The following GRM1 variants were observed in gnomAD, a reference collection of about 807,000 sequenced individuals.
GRM1 encodes metabotropic glutamate receptor 1.
A neutral mutation model predicts 90.9 loss-of-function variants in GRM1; 33 were observed. The observed-to-expected ratio is 0.36, with a 90% CI of 0.28 to 0.49. The LOEUF (loss-of-function observed/expected upper bound fraction) is 0.49, where lower values mean the gene tolerates loss of function less well. GRM1 is among the 20% of genes least tolerant of loss of function. The pLI is 0.99. For synonymous variants in GRM1, 700 were observed against 613.2 expected (o/e 1.14, Z -2.09); for missense variants, 1,190 against 1,534.3 (o/e 0.78, Z 3.75).
chr6:146,301,669 T>TTAGACAG, intron 2 of GRM1, among the ~76,000 whole-genome samples: 1 of 152,284 alleles, frequency 6.6e-6, no homozygotes, highest in Non-Finnish European at 1.5e-5. Flanking sequence ...ATATTTACCC[T>TTAGACAG]TAGACAGAAT....
At chr6:146,373,737 G>C (rs1775989938) in intron 5 of GRM1, among the ~76,000 whole-genome samples, 1 of 152,078 alleles carries the variant, frequency 6.6e-6, no homozygotes, top group African/African-American at 2.4e-5. Flanking sequence ...TATTGAATTG[G>C]TATATAAGTT....
chr6:146,396,222 A>G (rs185122320), intron 6 of GRM1, among the ~76,000 whole-genome samples: 48 of 152,280 alleles, frequency 3.2e-4, no homozygotes, highest in Middle Eastern at 6.8e-3. Context: ...CTTCCAGAAA[A>G]AGGTTTGTAT....
intron 2 of GRM1, among the ~76,000 whole-genome samples, chr6:146,216,487 T>C (rs1779875309): frequency 1.3e-5 from 2 of 152,222 alleles, no homozygotes; most frequent in Admixed American, 1.3e-4. Context: ...TCATCTTCTT[T>C]TGAATGGTTT....
chr6:146,055,952 G>A (rs1775466623), intron 1 of GRM1, among the ~76,000 whole-genome samples: 2 of 152,192 alleles, frequency 1.3e-5, no homozygotes, highest in South Asian at 4.1e-4. Context: ...TTGAAGGGAA[G>A]CAGTTAGAGA....
chr6:146,288,982 G>A (rs1448100449), intron 2 of GRM1, among the ~76,000 whole-genome samples: 1 of 152,094 alleles, frequency 6.6e-6, no homozygotes, highest in Non-Finnish European at 1.5e-5. Flanking sequence ...ACTGTCAATT[G>A]TATAAAAGTG....
At chr6:146,314,220 C>T (rs1227109907) in intron 3 of GRM1, among the ~76,000 whole-genome samples, 1 of 151,226 alleles carries the variant, frequency 6.6e-6, no homozygotes, top group Non-Finnish European at 1.5e-5. Context: ...GCATGTGCTA[C>T]CATGCCCGAT....
intron 2 of GRM1, among the ~76,000 whole-genome samples, chr6:146,287,946 G>A (rs969193179): frequency 2.0e-5 from 3 of 152,200 alleles, no homozygotes; most frequent in Admixed American, 6.5e-5. Flanking sequence ...TAATCAATCT[G>A]TGTTGTTTTA....
chr6:146,178,498 C>CA (rs1337390939), intron 2 of GRM1, among the ~76,000 whole-genome samples: 4 of 152,172 alleles, frequency 2.6e-5, no homozygotes, highest in Non-Finnish European at 4.4e-5. Flanking sequence ...GTTTCATATA[C>CA]AACTTATACA....
intron 2 of GRM1, among the ~76,000 whole-genome samples, chr6:146,295,037 T>C (rs1783128202): frequency 6.6e-6 from 1 of 152,166 alleles, no homozygotes; most frequent in Non-Finnish European, 1.5e-5. Context: ...GTGGAATTAG[T>C]GTCATCAGCT....
At position 146,321,871 on chromosome 6, in the gene GRM1, A is replaced by T. The variant is rs570985965; in HGVS notation, c.1186+17025A>T. On this transcript the variant is annotated intron_variant, in intron 3 of 7. Coordinates refer to ENST00000282753, the MANE Select transcript of GRM1 (RefSeq NM_001278064.2). ...ACTTATGTGTGTCTTTGCACGTGAGATGGGTCTGCTGAATACATCACACTG... is the reference window on the plus strand; with the variant it reads ...ACTTATGTGTGTCTTTGCACGTGAGTTGGGTCTGCTGAATACATCACACTG... Among the ~76,000 whole-genome samples the T allele has an allele frequency of 1.1e-4, 16 of 152,158 alleles. No individual in the cohort carries two copies. The South Asian group carries it at 2.9e-3, about 28-fold the overall frequency.
intron 2 of GRM1, among the ~76,000 whole-genome samples, chr6:146,199,152 C>A (rs895785424): frequency 3.3e-5 from 5 of 152,168 alleles, no homozygotes; most frequent in Middle Eastern, 3.2e-3. Context: ...CTAGTGTATT[C>A]CTGATAGTGG....
At chr6:146,262,431 G>GTA (rs1325225747) in intron 2 of GRM1, among the ~76,000 whole-genome samples, 1 of 151,770 alleles carries the variant, frequency 6.6e-6, no homozygotes. Flanking sequence ...TTTACTTCAT[G>GTA]TATATATATG....
At chr6:146,373,857 T>C (rs1038465594) in intron 5 of GRM1, among the ~76,000 whole-genome samples, 1 of 152,160 alleles carries the variant, frequency 6.6e-6, no homozygotes, top group African/African-American at 2.4e-5. Context: ...CCTTTATATC[T>C]TTCTCTTGCC....
chr6:146,035,364 T>G (rs1790852451), intron 1 of GRM1, among the ~76,000 whole-genome samples: 1 of 151,970 alleles, frequency 6.6e-6, no homozygotes. Context: ...GAACATATAT[T>G]ATTGGCAAAA....
At chr6:146,072,131 A>C (rs1350284946) in intron 1 of GRM1, among the ~76,000 whole-genome samples, 1 of 152,168 alleles carries the variant, frequency 6.6e-6, no homozygotes, top group Non-Finnish European at 1.5e-5. Flanking sequence ...CTCCCTGAGG[A>C]AGCAGTGGTG....
intron 2 of GRM1, among the ~76,000 whole-genome samples, chr6:146,229,109 T>C (rs1780357794): frequency 6.6e-6 from 1 of 151,878 alleles, no homozygotes; most frequent in Non-Finnish European, 1.5e-5. Context: ...AATTCTAAAA[T>C]TGTATTTATT....
chr6:146,284,468 T>G (rs1283605097), intron 2 of GRM1, among the ~76,000 whole-genome samples: 2 of 152,198 alleles, frequency 1.3e-5, no homozygotes, highest in Non-Finnish European at 2.9e-5. Flanking sequence ...AAAGAGGCTT[T>G]TAAGATTCAC....
intron 5 of GRM1, among the ~76,000 whole-genome samples, chr6:146,358,974 G>GACAC (rs1290434036): frequency 3.9e-5 from 6 of 152,266 alleles, no homozygotes; most frequent in African/African-American, 1.4e-4. Flanking sequence ...CTCATGCTGT[G>GACAC]ACACAGTACT....
At chr6:146,221,658 G>A (rs1209391074) in intron 2 of GRM1, among the ~76,000 whole-genome samples, 1 of 152,168 alleles carries the variant, frequency 6.6e-6, no homozygotes, top group Non-Finnish European at 1.5e-5. Context: ...ATAAACATAT[G>A]TGTGCATGTG....
Sources: gnomAD v4.1 joint callset for allele counts (sites outside exome capture counted in the v4.1 genomes callset) on GRCh38, gnomAD v4.1.1 for gene constraint, MANE v1.5 for transcripts, NCBI Gene and HGNC (gene_info 2026-07-23, HGNC 2026-07-21) for gene names.